Variants in LINGO1 observed in about 807,000 individuals in gnomAD.
The protein encoded by LINGO1 is leucine rich repeat and Ig domain containing 1.
In LINGO1, 11 loss-of-function variants were observed where a neutral mutation model predicts 37.3. The observed-to-expected ratio is 0.29, with a 90% CI of 0.19 to 0.49. The LOEUF is 0.49. Ranked by LOEUF, LINGO1 falls within the 20% of genes least tolerant of loss-of-function variation. LINGO1 has a pLI of 0.99. For synonymous variants in LINGO1, 387 were observed against 403.0 expected (o/e 0.96, Z 0.48); for missense variants, 585 against 878.2 (o/e 0.67, Z 4.22).
chr15:77,760,373 C>A (rs1401727543), intron 1 of LINGO1, among the ~76,000 whole-genome samples: 1 of 152,194 alleles, frequency 6.6e-6, no homozygotes, highest in Non-Finnish European at 1.5e-5. Flanking sequence ...AGGGGCTGAA[C>A]CAGCAACAGG....
chr15:77,750,217 G>A (rs1272667953), intron 1 of LINGO1, among the ~76,000 whole-genome samples: 1 of 151,974 alleles, frequency 6.6e-6, no homozygotes, highest in African/African-American at 2.4e-5. Flanking sequence ...CCCAGGGTCG[G>A]GGGACACCTG....
chr15:77,811,509 G>A (rs2077005664), intron 1 of LINGO1, among the ~76,000 whole-genome samples: 1 of 151,104 alleles, frequency 6.6e-6, no homozygotes, highest in East Asian at 2.0e-4. Flanking sequence ...CAAGTTGGGA[G>A]CAGGCACTCC....
intron 1 of LINGO1, among the ~76,000 whole-genome samples, chr15:77,765,342 G>C (rs953202353): frequency 8.6e-5 from 13 of 151,926 alleles, no homozygotes; most frequent in African/African-American, 2.9e-4. Context: ...TTGAACCCAG[G>C]AGGTCGAGAC....
chr15:77,776,421 G>C (rs1346818720), intron 1 of LINGO1, among the ~76,000 whole-genome samples: 1 of 151,140 alleles, frequency 6.6e-6, no homozygotes, highest in Admixed American at 6.6e-5. Flanking sequence ...GGTGGTCTTG[G>C]GGGCAGGTCA....
intron 1 of LINGO1, among the ~76,000 whole-genome samples, chr15:77,630,267 T>C (rs1433294072): frequency 6.6e-6 from 1 of 151,970 alleles, no homozygotes; most frequent in Non-Finnish European, 1.5e-5. Flanking sequence ...ATGACTGCAC[T>C]GCCTTATCTC....
chr15:77,819,041 G>C (rs868839623), intron 1 of LINGO1, among the ~76,000 whole-genome samples: 2 of 151,668 alleles, frequency 1.3e-5, no homozygotes, highest in Non-Finnish European at 2.9e-5. Flanking sequence ...TGCAGGTAAG[G>C]GTGAGGCGGG....
At chr15:77,639,101 A>G (rs2074449778), upstream of LINGO1, among the ~76,000 whole-genome samples, 2 of 152,062 alleles carry the variant, frequency 1.3e-5, no homozygotes, top group African/African-American at 4.8e-5. Flanking sequence ...TCCAATCGCC[A>G]CTTGAGTGAG....
At chr15:77,670,997 G>A (rs1356431234) in intron 3 of LINGO1, among the ~76,000 whole-genome samples, 2 of 152,192 alleles carry the variant, frequency 1.3e-5, no homozygotes, top group African/African-American at 4.8e-5. Context: ...CCGCTTCCTG[G>A]AAGGCTTTCT....
chr15:77,677,597 T>C (rs1567514718), intron 2 of LINGO1, among the ~76,000 whole-genome samples: 1 of 151,876 alleles, frequency 6.6e-6, no homozygotes, highest in African/African-American at 2.4e-5. Flanking sequence ...AAGCTTCACT[T>C]ACAGGTCCTC....
chr15:77,629,464 C>G lies in LINGO1; in HGVS notation c.6+2846G>C, dbSNP rs1367779153. 2.6e-5 allele frequency among the ~76,000 whole-genome samples: 4 copies of G among 152,300 alleles called. No homozygotes were observed. The East Asian group carries it at 7.7e-4, about 29-fold the overall frequency. On this transcript the variant is annotated intron_variant, in intron 1 of 1. Transcript: ENST00000355300. ...TGTGTCTCTGCAGTCTGCTGCTTCCCTAGGACTCAGCCAGTCTCCCTCTCT... is the reference window on the plus strand; with the variant it reads ...TGTGTCTCTGCAGTCTGCTGCTTCCGTAGGACTCAGCCAGTCTCCCTCTCT...
chr15:77,628,373 G>A (rs1002538463), intron 1 of LINGO1, among the ~76,000 whole-genome samples: 1 of 152,170 alleles, frequency 6.6e-6, no homozygotes, highest in Non-Finnish European at 1.5e-5. Context: ...ATACATCAGT[G>A]AAAATGAGCT....
chr15:77,763,712 C>T (rs944567352), intron 1 of LINGO1, among the ~76,000 whole-genome samples: 1 of 152,184 alleles, frequency 6.6e-6, no homozygotes, highest in Non-Finnish European at 1.5e-5. Flanking sequence ...CTGCATCATG[C>T]CCTTTCTATC....
At chr15:77,697,538 C>T (rs1356891002), upstream of LINGO1, among the ~76,000 whole-genome samples, 1 of 152,156 alleles carries the variant, frequency 6.6e-6, no homozygotes. Flanking sequence ...GCCCAGAGTT[C>T]CCACAGCCTG....
chr15:77,769,383 C>T (rs939801696), intron 1 of LINGO1, among the ~76,000 whole-genome samples: 2 of 151,694 alleles, frequency 1.3e-5, no homozygotes, highest in Non-Finnish European at 2.9e-5. Context: ...CTGCCAAGGT[C>T]CCCCCCCAGC....
intron 3 of LINGO1, among the ~76,000 whole-genome samples, chr15:77,669,784 TCA>T (rs1196589731): frequency 1.3e-5 from 2 of 152,198 alleles, no homozygotes; most frequent in East Asian, 3.9e-4. Flanking sequence ...TGGGCAGAAC[TCA>T]CAAACTGGAG....
intron 1 of LINGO1, among the ~76,000 whole-genome samples, chr15:77,742,339 T>C (rs907316035): frequency 8.5e-5 from 13 of 152,306 alleles, no homozygotes; most frequent in Admixed American, 2.6e-4. Flanking sequence ...AGAGGCACAG[T>C]GAACAGAGCC....
At chr15:77,768,076 T>G (rs528201365) in intron 1 of LINGO1, among the ~76,000 whole-genome samples, 7 of 152,152 alleles carry the variant, frequency 4.6e-5, no homozygotes, top group Non-Finnish European at 1.0e-4. Context: ...CACAGTGGCC[T>G]CCCCTCCCCT....
At chr15:77,757,051 G>T (rs2076427352) in intron 1 of LINGO1, among the ~76,000 whole-genome samples, 1 of 152,242 alleles carries the variant, frequency 6.6e-6, no homozygotes, top group African/African-American at 2.4e-5. Flanking sequence ...AGCCTGGGAA[G>T]GATCCCACAG....
intron 2 of LINGO1, among the ~76,000 whole-genome samples, chr15:77,725,565 A>G (rs1164453774): frequency 6.6e-6 from 1 of 152,128 alleles, no homozygotes; most frequent in Admixed American, 6.5e-5. Context: ...CCTGTCTCCA[A>G]ATAAATAAAT....
Sources: gnomAD v4.1 joint callset for allele counts (sites outside exome capture counted in the v4.1 genomes callset) on GRCh38, gnomAD v4.1.1 for gene constraint, MANE v1.5 for transcripts, NCBI Gene and HGNC (gene_info 2026-07-23, HGNC 2026-07-21) for gene names.